TGFB2: variants seen among roughly 807,000 people sequenced by gnomAD.
TGFB2 encodes transforming growth factor beta-2 proprotein.
Under a neutral mutation model 42.7 loss-of-function variants are expected in TGFB2, and 13 were observed. The observed-to-expected ratio is 0.30, with a 90% CI of 0.20 to 0.48. The LOEUF (loss-of-function observed/expected upper bound fraction) is 0.48, where lower values mean the gene tolerates loss of function less well. Among genes scored for constraint, TGFB2 ranks in the 20% least tolerant of loss-of-function variants. The pLI, the probability that TGFB2 is intolerant of heterozygous loss-of-function variation, is 0.99. For missense variants in TGFB2, 390 were observed against 517.5 expected (o/e 0.75, Z 2.39); for synonymous variants, 193 against 193.6 (o/e 1.00, Z 0.03).
Position 218,362,621 on chromosome 1 carries a change from C to A in TGFB2, c.346+15574C>A, listed in dbSNP as rs183411111. On this transcript the variant is annotated intron_variant, in intron 1 of 6. Coordinates refer to ENST00000366930, the MANE Select transcript of TGFB2 (RefSeq NM_003238.6). ...AATGGAAAAAGTTTTGAACACTCAGCAATATTTCCTCTTCAATTTGAGATA... is the reference window on the plus strand; with the variant it reads ...AATGGAAAAAGTTTTGAACACTCAGAAATATTTCCTCTTCAATTTGAGATA... Among the ~76,000 whole-genome samples the A allele has an allele frequency of 3.9e-5, 6 of 152,252 alleles. No homozygotes were observed. The East Asian group carries it at 1.2e-3, about 29-fold the overall frequency.
intron 1 of TGFB2, among the ~76,000 whole-genome samples, chr1:218,378,510 C>T (rs554518924): frequency 6.6e-6 from 1 of 152,170 alleles, no homozygotes; most frequent in East Asian, 1.9e-4. Context: ...GACGAGGTTT[C>T]ACCATGTTGG....
chr1:218,378,748 A>T (rs893626914), intron 1 of TGFB2, among the ~76,000 whole-genome samples: 1 of 146,116 alleles, frequency 6.8e-6, no homozygotes, highest in African/African-American at 2.6e-5. Context: ...CTGGGATCAC[A>T]GGGGTGCTAC....
At chr1:218,422,427 C>T (rs887491364) in intron 2 of TGFB2, among the ~76,000 whole-genome samples, 3 of 152,056 alleles carry the variant, frequency 2.0e-5, no homozygotes, top group African/African-American at 4.8e-5. Context: ...CATTATGTTG[C>T]TCAGACTGGT....
rs867344406 is a variant in TGFB2, at chr1:218,423,809, G to A, written c.511-10273G>A. On this transcript the variant is annotated intron_variant, in intron 2 of 6. Coordinates refer to ENST00000366930, the MANE Select transcript of TGFB2 (RefSeq NM_003238.6). ...ATAACTCACACGTATTGAATACCAG[G>A]CAATGTGACTGATGCTCTCCCTACT... Among the ~76,000 whole-genome samples the A allele has an allele frequency of 6.6e-5, 10 of 152,286 alleles. No individual in the cohort carries two copies. In the South Asian group the frequency reaches 1.9e-3, roughly 28 times the overall value.
At chr1:218,428,476 A>G (rs1324540669) in intron 2 of TGFB2, among the ~76,000 whole-genome samples, 4 of 152,190 alleles carry the variant, frequency 2.6e-5, no homozygotes, top group Non-Finnish European at 5.9e-5. Flanking sequence ...TAGGTCTAAC[A>G]TTTAAGTCTT....
At chr1:218,383,709 G>A (rs1006962452) in intron 1 of TGFB2, among the ~76,000 whole-genome samples, 6 of 152,164 alleles carry the variant, frequency 3.9e-5, no homozygotes, top group East Asian at 3.9e-4. Flanking sequence ...GCTACGTGGC[G>A]AAGGACTTGC....
Position 218,441,352 on chromosome 1 carries a change from A to G in TGFB2, c.1235A>G (p.Lys412Arg). Residue 412 changes from lysine (K) to arginine (R), a missense_variant, in exon 7 of 7, where the codon AAA (lysine) becomes AGA (arginine). Coordinates refer to ENST00000366930, the MANE Select transcript of TGFB2 (RefSeq NM_003238.6). ...QLSNMIVKSCKCS is the reference protein window; with the variant it reads ...QLSNMIVKSCRCS ...TCTAATATGATTGTAAAGTCTTGCA[A>G]ATGCAGCTAAAATTCTTGGAAAAGT... The G allele has an allele frequency of 6.3e-7, 1 of 1,599,760 alleles. No homozygotes were observed. Among genetic ancestry groups the G allele is most frequent in the Non-Finnish European group, 8.5e-7 (1 of 1,176,560 alleles).
chr1:218,428,935 C>T (rs373970260), intron 2 of TGFB2, among the ~76,000 whole-genome samples: 3 of 149,362 alleles, frequency 2.0e-5, no homozygotes, highest in Non-Finnish European at 4.4e-5. Flanking sequence ...GCAGTATGGC[C>T]ATTTTCACGA....
intron 1 of TGFB2, among the ~76,000 whole-genome samples, chr1:218,371,134 A>C (rs1489047018): frequency 6.6e-6 from 1 of 152,068 alleles, no homozygotes; most frequent in Non-Finnish European, 1.5e-5. Context: ...CCCCATCTTT[A>C]CAAAAAATAC....
intron 1 of TGFB2, among the ~76,000 whole-genome samples, chr1:218,380,559 G>A (rs1657926186): frequency 1.3e-5 from 2 of 152,162 alleles, no homozygotes; most frequent in African/African-American, 4.8e-5. Flanking sequence ...GCAGCCAAAT[G>A]TAGTTTGGCC....
At chr1:218,378,718 C>T (rs569807676) in intron 1 of TGFB2, among the ~76,000 whole-genome samples, 8 of 151,930 alleles carry the variant, frequency 5.3e-5, no homozygotes, top group South Asian at 4.1e-4. Flanking sequence ...AGGATCCTTC[C>T]GCCTCAACCT....
At chr1:218,412,074 C>T (rs1659120035) in intron 2 of TGFB2, among the ~76,000 whole-genome samples, 1 of 152,186 alleles carries the variant, frequency 6.6e-6, no homozygotes, top group Non-Finnish European at 1.5e-5. Context: ...AGTCAGCCGA[C>T]TGTGAGTGTG....
At chr1:218,394,573 G>A (rs569622150) in intron 1 of TGFB2, among the ~76,000 whole-genome samples, 1 of 152,186 alleles carries the variant, frequency 6.6e-6, no homozygotes, top group African/African-American at 2.4e-5. Flanking sequence ...GTAAGCTGAT[G>A]CCGACACAAT....
chr1:218,401,793 C>A (rs1384920857), intron 1 of TGFB2, among the ~76,000 whole-genome samples: 1 of 152,216 alleles, frequency 6.6e-6, no homozygotes, highest in Non-Finnish European at 1.5e-5. Context: ...TAAGCCCCTA[C>A]CCCGGGCTCC....
chr1:218,406,867 G>T (rs747508246), intron 2 of TGFB2, among the ~76,000 whole-genome samples: 4 of 152,144 alleles, frequency 2.6e-5, no homozygotes, highest in African/African-American at 9.7e-5. Context: ...GGATCCCCGT[G>T]ATAAGGGGTA....
intron 1 of TGFB2, among the ~76,000 whole-genome samples, chr1:218,375,780 A>C (rs1657721668): frequency 6.6e-6 from 1 of 152,072 alleles, no homozygotes; most frequent in South Asian, 2.1e-4. Context: ...TTGAGGGAGG[A>C]GGGAGAGCAT....
chr1:218,403,076 C>T (rs1186558059), intron 1 of TGFB2, among the ~76,000 whole-genome samples: 4 of 152,242 alleles, frequency 2.6e-5, no homozygotes, highest in Admixed American at 6.5e-5. Context: ...AAAAGCCTTT[C>T]TGCGTGCACC....
At position 218,443,563 on chromosome 1, in the gene TGFB2, C is replaced by T. The variant is rs1183118961; in HGVS notation, c.*2201C>T. ...GTGTGTTGATTATTTTTTTGTCTTC[C>T]ACTTTTCTATTATGTGTAAATCACT... On this transcript the variant is annotated 3_prime_UTR_variant, in exon 7 of 7. Coordinates refer to ENST00000366930, the MANE Select transcript of TGFB2 (RefSeq NM_003238.6). 2 of 152,104 alleles carry T rather than the reference C, an allele frequency of 1.3e-5. No homozygotes were observed. The highest frequency in any genetic ancestry group is 3.9e-4 in the East Asian group (2 of 5,192). The allele number at this position is 152,104 out of a possible 1,614,324, so 9.4% of individuals were successfully genotyped here. A position where few individuals can be genotyped will look rare whatever the true frequency, so the allele number is the denominator to read the frequency against.
rs1657002601 is a variant in TGFB2 at position 218,355,463 on chromosome 1, G to C, written c.346+8416G>C. Among the ~76,000 whole-genome samples, 3 of 152,218 alleles carry C rather than the reference G, an allele frequency of 2.0e-5. No homozygotes were observed. The South Asian group carries it at 6.2e-4, about 31-fold the overall frequency. ...ATCCTACTCCAGGCCTGTGGCAGTTGTTAAAGAGTGGTCCTGTTTTGGTTA... is the reference window on the plus strand; with the variant it reads ...ATCCTACTCCAGGCCTGTGGCAGTTCTTAAAGAGTGGTCCTGTTTTGGTTA... On this transcript the variant is annotated intron_variant, in intron 1 of 6. Transcript: ENST00000366930.
Sources: gnomAD v4.1 joint callset for allele counts (sites outside exome capture counted in the v4.1 genomes callset) on GRCh38, gnomAD v4.1.1 for gene constraint, MANE v1.5 for transcripts, NCBI Gene and HGNC (gene_info 2026-07-23, HGNC 2026-07-21) for gene names.